The following KIAA0825 variants were observed in gnomAD, a reference collection of about 807,000 sequenced individuals.
The protein encoded by KIAA0825 is KIAA0825, also known as uncharacterized protein KIAA0825.
A neutral mutation model predicts 147.6 loss-of-function variants in KIAA0825; 119 were observed. That is an observed-to-expected ratio of 0.81 (90% CI 0.69 to 0.94). The LOEUF (loss-of-function observed/expected upper bound fraction) is 0.94. KIAA0825 is among the 40% of genes least tolerant of loss of function. KIAA0825 has a pLI of 0.00. For synonymous variants in KIAA0825, 470 were observed against 518.1 expected (o/e 0.91, Z 1.26); for missense variants, 1,381 against 1,472.7 (o/e 0.94, Z 1.02).
At chr5:94,399,330 G>C (rs553708154) in intron 16 of KIAA0825, among the ~76,000 whole-genome samples, 3 of 152,158 alleles carry the variant, frequency 2.0e-5, no homozygotes, top group Non-Finnish European at 4.4e-5. Context: ...GTCTTAAAGA[G>C]GGTTTGACTA....
chr5:94,364,826 T>C (rs1042937274), intron 20 of KIAA0825, among the ~76,000 whole-genome samples: 8 of 152,152 alleles, frequency 5.3e-5, no homozygotes, highest in Non-Finnish European at 1.2e-4. Context: ...CCAAATCATT[T>C]TCTTTTCTAA....
At chr5:94,421,293 T>C (rs1277320043) in intron 14 of KIAA0825, among the ~76,000 whole-genome samples, 1 of 152,248 alleles carries the variant, frequency 6.6e-6, no homozygotes, top group Non-Finnish European at 1.5e-5. Flanking sequence ...ATTTGGTTCA[T>C]GGGGGCTCCC....
At chr5:94,185,097 G>T (rs1195668021) in intron 20 of KIAA0825, among the ~76,000 whole-genome samples, 1 of 152,094 alleles carries the variant, frequency 6.6e-6, no homozygotes. Flanking sequence ...CAGCATGATG[G>T]TTTTCTAAAG....
At chr5:94,616,594 C>G (rs1790564395) in intron 1 of KIAA0825, among the ~76,000 whole-genome samples, 2 of 152,060 alleles carry the variant, frequency 1.3e-5, no homozygotes, top group African/African-American at 4.8e-5. Context: ...GAAAAGCTGT[C>G]TAAAGAGATA....
At chr5:94,164,468 G>A (rs1767854549) in intron 20 of KIAA0825, among the ~76,000 whole-genome samples, 1 of 151,508 alleles carries the variant, frequency 6.6e-6, no homozygotes, top group African/African-American at 2.4e-5. Flanking sequence ...CTGGAGTGCA[G>A]TGGAGCGATC....
chr5:94,339,044 ATTTC>A (rs1278856926), intron 20 of KIAA0825, among the ~76,000 whole-genome samples: 3 of 152,114 alleles, frequency 2.0e-5, no homozygotes, highest in Admixed American at 1.3e-4. Context: ...TTTTTCACAT[ATTTC>A]TTTCTTCTTC....
At chr5:94,612,136 T>C (rs925583524) in intron 1 of KIAA0825, among the ~76,000 whole-genome samples, 2 of 152,142 alleles carry the variant, frequency 1.3e-5, no homozygotes, top group Non-Finnish European at 2.9e-5. Flanking sequence ...AACCGTATTA[T>C]AAAATATAAG....
chr5:94,570,822 T>G (rs1403083978), intron 2 of KIAA0825: 1 of 152,392 alleles, frequency 6.6e-6, no homozygotes, highest in Non-Finnish European at 1.5e-5. Flanking sequence ...CTCTGTACTT[T>G]CATGGGGAAG....
intron 20 of KIAA0825, among the ~76,000 whole-genome samples, chr5:94,232,774 T>TAA (rs1257076338): frequency 6.6e-6 from 1 of 152,122 alleles, no homozygotes; most frequent in Non-Finnish European, 1.5e-5. Flanking sequence ...TATAATTTAC[T>TAA]AAAAAGTTGC....
chr5:94,273,057 G>A (rs960400421), intron 20 of KIAA0825, among the ~76,000 whole-genome samples: 6 of 152,080 alleles, frequency 3.9e-5, no homozygotes, highest in Admixed American at 3.9e-4. Context: ...TTGCAGCTGT[G>A]GCATTTGTGT....
intron 2 of KIAA0825, among the ~76,000 whole-genome samples, chr5:94,576,833 T>A (rs977918174): frequency 6.6e-6 from 1 of 152,190 alleles, no homozygotes; most frequent in Non-Finnish European, 1.5e-5. Flanking sequence ...TCTACTAACA[T>A]CTCCTTAAAT....
chr5:94,425,548 G>A (rs1446678591), intron 14 of KIAA0825, among the ~76,000 whole-genome samples: 1 of 152,098 alleles, frequency 6.6e-6, no homozygotes, highest in African/African-American at 2.4e-5. Flanking sequence ...AGACCAGACT[G>A]GGCAACACAG....
chr5:94,484,812 AAAC>A lies in KIAA0825; in HGVS notation c.1086_1088del (p.Leu362del), dbSNP rs1371108224. 5 of 1,522,874 alleles carry A rather than the reference AAAC, an allele frequency of 3.3e-6. No individual in the cohort carries two copies. The highest frequency in any genetic ancestry group is 1.4e-5 in the African/African-American group (1 of 72,566). The allele number at this position is 1,522,874 out of a possible 1,614,324, so 94.3% of individuals were successfully genotyped here. ...TCTTGAGTGATAAAAGTATTTCGTC[AAAC>A]AATTCTTGAACACCTTTTTCCAGTT... On this transcript the variant is annotated inframe_deletion, in exon 6 of 21. Coordinates refer to ENST00000682413, the MANE Select transcript of KIAA0825 (RefSeq NM_001145678.3).
intron 2 of KIAA0825, chr5:94,569,319 A>C: frequency 2.9e-6 from 1 of 340,676 alleles, no homozygotes; most frequent in East Asian, 4.6e-5. Flanking sequence ...AAACCTATAC[A>C]ACCTCCCCCA....
intron 20 of KIAA0825, among the ~76,000 whole-genome samples, chr5:94,214,417 G>C (rs1484609019): frequency 1.3e-5 from 2 of 152,094 alleles, no homozygotes; most frequent in African/African-American, 4.8e-5. Flanking sequence ...TGATATAAGA[G>C]AAGTTTCTTT....
At chr5:94,541,539 T>TA (rs370281902) in intron 2 of KIAA0825, among the ~76,000 whole-genome samples, 1 of 152,138 alleles carries the variant, frequency 6.6e-6, no homozygotes, top group Non-Finnish European at 1.5e-5. Flanking sequence ...ATTAATCTTG[T>TA]AAAAAAAATT....
intron 15 of KIAA0825, among the ~76,000 whole-genome samples, chr5:94,408,948 T>C (rs1159666572): frequency 1.3e-5 from 2 of 152,222 alleles, no homozygotes; most frequent in Non-Finnish European, 2.9e-5. Flanking sequence ...TCATATAACA[T>C]GTTCAGTTGT....
chr5:94,573,264 T>A lies in KIAA0825; in HGVS notation c.-2+9169A>T, dbSNP rs1780312787. 2.8e-5 allele frequency among the ~76,000 whole-genome samples: 4 copies of A among 143,662 alleles called. No homozygotes were observed. The Admixed American group carries it at 3.0e-4, about 11-fold the overall frequency. The allele number at this position is 143,662 out of a possible 152,430, so 94.2% of individuals were successfully genotyped here. On this transcript the variant is annotated intron_variant, in intron 2 of 20. Transcript: ENST00000682413. ...AAGATTATGGAGACCAAGGTTCTTT[T>A]TAAGTGTTTTTTTTTTTTTTTTTTG...
intron 1 of KIAA0825, among the ~76,000 whole-genome samples, chr5:94,609,435 A>C (rs553442240): frequency 3.9e-5 from 6 of 152,274 alleles, no homozygotes; most frequent in African/African-American, 1.4e-4. Flanking sequence ...ATTTTAATTT[A>C]TAATACAAAA....
Sources: gnomAD v4.1 joint callset for allele counts (sites outside exome capture counted in the v4.1 genomes callset) on GRCh38, gnomAD v4.1.1 for gene constraint, MANE v1.5 for transcripts, NCBI Gene and HGNC (gene_info 2026-07-23, HGNC 2026-07-21) for gene names.